The following GPHN variants were observed in gnomAD, a reference collection of about 807,000 sequenced individuals.
The protein encoded by GPHN is gephyrin.
GPHN carries 17 observed loss-of-function variants against 95.5 expected under a neutral mutation model. The observed-to-expected ratio is 0.18, with a 90% CI of 0.12 to 0.27. The LOEUF (loss-of-function observed/expected upper bound fraction) is 0.27. Ranked by LOEUF, GPHN falls within the 10% of genes least tolerant of loss-of-function variation. The pLI is 1.00. For synonymous variants in GPHN, 320 were observed against 322.5 expected, an observed-to-expected ratio of 0.99 and a Z score of 0.08; for missense variants, 660 against 978.1, an observed-to-expected ratio of 0.67 and a Z score of 4.34.
At chr14:67,146,193 A>C (rs1567403737) in intron 18 of GPHN, among the ~76,000 whole-genome samples, 1 of 152,178 alleles carries the variant, frequency 6.6e-6, no homozygotes, top group South Asian at 2.1e-4. Context: ...AACATACTGC[A>C]TGCTAAACAG....
At chr14:67,486,169 C>T in the GPHN span, among the ~76,000 whole-genome samples, 2 of 152,216 alleles carry the variant, frequency 1.3e-5, no homozygotes, top group Non-Finnish European at 1.5e-5. Flanking sequence ...CTTGAATTTC[C>T]ACCATGTTGT....
rs116275491 is a variant in GPHN, at chr14:67,181,371, G to A, written c.*434G>A. On this transcript the variant is annotated 3_prime_UTR_variant, in exon 23 of 23. Coordinates refer to ENST00000478722, the MANE Select transcript of GPHN (RefSeq NM_020806.5). ...TAGTATGCTTCATAACTGCTTTACA[G>A]AGAGCTTTTGCTTGTTCTTTCTCAT... 2.2e-3 allele frequency: 993 copies of A among 458,014 alleles called. 13 individuals carry two copies. The highest frequency in any genetic ancestry group is 0.018 in the African/African-American group (902 of 50,946). 28.4% of individuals were successfully genotyped at this position (458,014 alleles called of 1,614,324 possible).
intron 8 of GPHN, among the ~76,000 whole-genome samples, chr14:66,928,648 G>A (rs566456155): frequency 6.6e-6 from 1 of 151,980 alleles, no homozygotes; most frequent in South Asian, 2.1e-4. Flanking sequence ...TTTTGATGTA[G>A]GTGCTTATTG....
At chr14:66,584,615 G>C (rs994449675) in intron 1 of GPHN, among the ~76,000 whole-genome samples, 8 of 151,914 alleles carry the variant, frequency 5.3e-5, no homozygotes, top group African/African-American at 7.3e-5. Flanking sequence ...TGAATTTTGT[G>C]GAAGGCCTTT....
chr14:67,317,769 G>A, the GPHN span, among the ~76,000 whole-genome samples: 1 of 152,156 alleles, frequency 6.6e-6, no homozygotes, highest in African/African-American at 2.4e-5. Context: ...GAACATACTT[G>A]AAGTAAAAAC....
the GPHN span, among the ~76,000 whole-genome samples, chr14:67,681,000 T>A: frequency 6.6e-6 from 1 of 152,214 alleles, no homozygotes; most frequent in East Asian, 1.9e-4. Flanking sequence ...AAGCTTACTG[T>A]TATACTCCAA....
chr14:66,762,638 C>T (rs2058802078), intron 2 of GPHN, among the ~76,000 whole-genome samples: 1 of 151,260 alleles, frequency 6.6e-6, no homozygotes, highest in African/African-American at 2.4e-5. Context: ...TAACCTTGAG[C>T]AAGTTAACTT....
downstream of GPHN, among the ~76,000 whole-genome samples, chr14:67,185,524 C>T (rs558891883): frequency 6.6e-6 from 1 of 152,134 alleles, no homozygotes; most frequent in South Asian, 2.1e-4. Context: ...TCTTTTTTGT[C>T]AGTAGTTGAT....
chr14:67,579,474 A>G, the GPHN span: 27 of 689,464 alleles, frequency 3.9e-5, no homozygotes, highest in African/African-American at 4.3e-4. Flanking sequence ...CTGACCAAGA[A>G]ATAAGAAAGG....
At chr14:66,725,668 G>A (rs2071167677) in intron 2 of GPHN, among the ~76,000 whole-genome samples, 1 of 152,148 alleles carries the variant, frequency 6.6e-6, no homozygotes, top group Non-Finnish European at 1.5e-5. Flanking sequence ...ATTTTTCATA[G>A]AGACAGGGTT....
At chr14:66,745,497 A>G (rs189843836) in intron 2 of GPHN, among the ~76,000 whole-genome samples, 5 of 152,178 alleles carry the variant, frequency 3.3e-5, no homozygotes, top group Admixed American at 3.3e-4. Flanking sequence ...TCAAAATATT[A>G]TTTATAGATT....
At chr14:67,213,487 C>A in the GPHN span, among the ~76,000 whole-genome samples, 2 of 151,282 alleles carry the variant, frequency 1.3e-5, no homozygotes, top group Non-Finnish European at 3.0e-5. Context: ...CTACAAAGGA[C>A]ATGAACTCAT....
At chr14:67,234,882 G>T in the GPHN span, among the ~76,000 whole-genome samples, 1 of 151,502 alleles carries the variant, frequency 6.6e-6, no homozygotes, top group Non-Finnish European at 1.5e-5. Flanking sequence ...CAGGCCGGGT[G>T]CGGTGGCTCA....
intron 2 of GPHN, among the ~76,000 whole-genome samples, chr14:66,741,315 T>C (rs2072772817): frequency 6.6e-6 from 1 of 152,212 alleles, no homozygotes; most frequent in Non-Finnish European, 1.5e-5. Context: ...ATATGATAAA[T>C]ATTTATTGAA....
the GPHN span, among the ~76,000 whole-genome samples, chr14:67,253,995 C>G: frequency 7.8e-6 from 1 of 128,950 alleles, no homozygotes; most frequent in Non-Finnish European, 1.5e-5. Flanking sequence ...TAATGGATGT[C>G]TTTCATGTCT....
intron 1 of GPHN, among the ~76,000 whole-genome samples, chr14:66,581,100 CTT>C (rs367687230): frequency 1.1e-3 from 174 of 151,482 alleles, no homozygotes; most frequent in African/African-American, 3.9e-3. Context: ...ATTAGAGAAA[CTT>C]TAACATTTTT....
At chr14:67,424,113 G>A in the GPHN span, among the ~76,000 whole-genome samples, 1 of 152,102 alleles carries the variant, frequency 6.6e-6, no homozygotes. Flanking sequence ...GGTGGCAGGT[G>A]CCTGTAATCC....
chr14:66,773,854 G>A (rs1219521952), intron 2 of GPHN, among the ~76,000 whole-genome samples: 1 of 152,130 alleles, frequency 6.6e-6, no homozygotes, highest in Non-Finnish European at 1.5e-5. Flanking sequence ...TTATTGGCGT[G>A]AGCCAGTGAA....
chr14:67,217,348 T>TA, the GPHN span, among the ~76,000 whole-genome samples: 1 of 152,186 alleles, frequency 6.6e-6, no homozygotes, highest in Non-Finnish European at 1.5e-5. Flanking sequence ...GGTCATTTTT[T>TA]AAAAAATCCA....
Sources: gnomAD v4.1 joint callset for allele counts (sites outside exome capture counted in the v4.1 genomes callset) on GRCh38, gnomAD v4.1.1 for gene constraint, MANE v1.5 for transcripts, NCBI Gene and HGNC (gene_info 2026-07-23, HGNC 2026-07-21) for gene names.